The following PRKCA variants were observed in gnomAD, a reference collection of about 807,000 sequenced individuals.
PRKCA encodes protein kinase C alpha.
A neutral mutation model predicts 87.0 loss-of-function variants in PRKCA; 27 were observed. The observed-to-expected ratio is 0.31, with a 90% CI of 0.23 to 0.43. The LOEUF (loss-of-function observed/expected upper bound fraction) is 0.43, where lower values mean the gene tolerates loss of function less well. Ranked by LOEUF, PRKCA falls within the 20% of genes least tolerant of loss-of-function variation. PRKCA has a pLI of 1.00. For synonymous variants in PRKCA, 329 were observed against 311.1 expected, an observed-to-expected ratio of 1.06 and a Z score of -0.61; for missense variants, 518 against 852.3, an observed-to-expected ratio of 0.61 and a Z score of 4.88.
chr17:66,673,079 C>A (rs1002164477), intron 5 of PRKCA, among the ~76,000 whole-genome samples: 2 of 152,106 alleles, frequency 1.3e-5, no homozygotes, highest in Admixed American at 6.5e-5. Context: ...TCTCTCATAA[C>A]CTGGGAAATA....
chr17:66,687,327 T>C, intron 6 of PRKCA, 60 bp downstream of exon 6: 2 of 1,515,006 alleles, frequency 1.3e-6, no homozygotes. Context: ...GCCCACCTCA[T>C]TATTTGAGGT....
intron 3 of PRKCA, among the ~76,000 whole-genome samples, chr17:66,536,645 C>T (rs955871892): frequency 1.7e-4 from 26 of 152,122 alleles, no homozygotes; most frequent in African/African-American, 6.3e-4. Flanking sequence ...TCATCATCAC[C>T]AATGGCAGCA....
In PRKCA at chr17:66,413,473, C is replaced by T. The variant is rs7224203; in HGVS notation, c.206-82728C>T. Among the ~76,000 whole-genome samples, 1,361 of 152,236 alleles carry T rather than the reference C, an allele frequency of 8.9e-3. 24 individuals are homozygous for T. The highest frequency in any genetic ancestry group is 0.031 in the African/African-American group (1,302 of 41,532). On this transcript the variant is annotated intron_variant, in intron 2 of 16. Coordinates refer to ENST00000413366, the MANE Select transcript of PRKCA (RefSeq NM_002737.3). ...GATCAATTCAACCCGCAGCCTCTCT[C>T]CCTTCCCCAGAGGTCAGAGGGTGGG...
At chr17:66,666,975 A>T (rs16959911) in intron 5 of PRKCA, among the ~76,000 whole-genome samples, 22,475 of 152,242 alleles carry the variant, frequency 0.15, 1,955 homozygotes, top group East Asian at 0.3. Context: ...AAAATGGATT[A>T]GGAAGCAGCT....
chr17:66,548,120 T>C (rs1171252044), intron 3 of PRKCA, among the ~76,000 whole-genome samples: 1 of 152,216 alleles, frequency 6.6e-6, no homozygotes, highest in Admixed American at 6.5e-5. Flanking sequence ...GAGGGAGCTT[T>C]TCGCTGATTC....
At chr17:66,437,641 T>G (rs531232928) in intron 2 of PRKCA, among the ~76,000 whole-genome samples, 64 of 150,758 alleles carry the variant, frequency 4.2e-4, no homozygotes, top group Non-Finnish European at 8.4e-4. Flanking sequence ...AGACACAATT[T>G]AGGAACAGGA....
At chr17:66,674,345 G>A (rs1029786011) in intron 5 of PRKCA, among the ~76,000 whole-genome samples, 1 of 152,190 alleles carries the variant, frequency 6.6e-6, no homozygotes, top group African/African-American at 2.4e-5. Context: ...GAAGCACAGA[G>A]CAAGGTGGGC....
intron 3 of PRKCA, among the ~76,000 whole-genome samples, chr17:66,506,044 C>A (rs1916961565): frequency 1.3e-5 from 2 of 152,012 alleles, no homozygotes; most frequent in African/African-American, 4.8e-5. Context: ...GCCTATAATC[C>A]CAGCACTTTG....
intron 2 of PRKCA, among the ~76,000 whole-genome samples, chr17:66,472,162 C>T (rs1191034499): frequency 6.6e-6 from 1 of 152,100 alleles, no homozygotes; most frequent in Admixed American, 6.6e-5. Flanking sequence ...TGAAGTCTTG[C>T]TATGTTGCCC....
At chr17:66,727,949 C>T (rs1338560480) in intron 8 of PRKCA, among the ~76,000 whole-genome samples, 1 of 152,196 alleles carries the variant, frequency 6.6e-6, no homozygotes, top group Non-Finnish European at 1.5e-5. Flanking sequence ...CGGATATCCA[C>T]TGGCTGTCTC....
rs1427241414 is a variant in PRKCA at position 66,792,217 on chromosome 17, C to A, written c.1854+3238C>A. Among the ~76,000 whole-genome samples, 1 of 152,154 alleles carries A rather than the reference C, an allele frequency of 6.6e-6. No individual in the cohort carries two copies. Among genetic ancestry groups the A allele is most frequent in the African/African-American group, 2.4e-5 (1 of 41,430 alleles). On this transcript the variant is annotated intron_variant, in intron 16 of 16. Transcript: ENST00000413366. The surrounding 1 kb of genome is among the most constrained non-coding windows in gnomAD (Gnocchi z 4.5). ...GCTTAAGGACAGGTAGCTGTTCTCA[C>A]GTGCGGTGATGCTCCTGGCTCCCAT...
At chr17:66,464,530 G>A (rs544982075) in intron 2 of PRKCA, among the ~76,000 whole-genome samples, 2 of 152,290 alleles carry the variant, frequency 1.3e-5, no homozygotes, top group South Asian at 2.1e-4. Context: ...CCTTGTCAGC[G>A]TTTGGTGTTG....
chr17:66,704,821 C>T (rs910858880), intron 8 of PRKCA, among the ~76,000 whole-genome samples: 12 of 152,186 alleles, frequency 7.9e-5, no homozygotes, highest in Non-Finnish European at 1.6e-4. Context: ...AAAGATGAGA[C>T]TCTGTTGCTA....
intron 3 of PRKCA, among the ~76,000 whole-genome samples, chr17:66,579,046 T>C (rs553492270): frequency 6.6e-6 from 1 of 152,358 alleles, no homozygotes; most frequent in Admixed American, 6.5e-5. Context: ...GCATCTGTGG[T>C]GGCTGCTGCT....
At chr17:66,548,029 G>T (rs1481391255) in intron 3 of PRKCA, among the ~76,000 whole-genome samples, 1 of 152,168 alleles carries the variant, frequency 6.6e-6, no homozygotes, top group African/African-American at 2.4e-5. Flanking sequence ...TTTTTTAAAT[G>T]TGGAAATGTT....
At chr17:66,762,066 C>G (rs1031318944) in intron 13 of PRKCA, among the ~76,000 whole-genome samples, 4 of 152,144 alleles carry the variant, frequency 2.6e-5, no homozygotes, top group Admixed American at 2.0e-4. Flanking sequence ...ACTTCTGTAA[C>G]TGATTCACTT....
At chr17:66,650,400 A>G (rs1971562659) in intron 5 of PRKCA, among the ~76,000 whole-genome samples, 1 of 151,566 alleles carries the variant, frequency 6.6e-6, no homozygotes, top group Non-Finnish European at 1.5e-5. Flanking sequence ...TAGGTTTTCT[A>G]CACTCTAGTG....
chr17:66,514,967 G>T (rs904565477), intron 3 of PRKCA, among the ~76,000 whole-genome samples: 3 of 152,034 alleles, frequency 2.0e-5, no homozygotes, highest in African/African-American at 7.2e-5. Flanking sequence ...TGATAAAGAA[G>T]GGATGTGGCC....
At chr17:66,738,085 G>T (rs9911416) in intron 10 of PRKCA, among the ~76,000 whole-genome samples, 4,736 of 152,288 alleles carry the variant, frequency 0.031, 249 homozygotes, top group African/African-American at 0.11. Flanking sequence ...AATGTCCTCA[G>T]GAATATGCAG....
Sources: allele counts gnomAD v4.1 joint callset (sites outside exome capture counted in the v4.1 genomes callset), GRCh38; gene constraint gnomAD v4.1.1; non-coding constraint Gnocchi (gnomAD v3.1); transcripts MANE v1.5; gene names NCBI Gene and HGNC (gene_info 2026-07-23, HGNC 2026-07-21).